Variants in PTPRD observed in about 807,000 individuals in gnomAD.
PTPRD encodes the protein protein tyrosine phosphatase receptor type D, also known as receptor-type tyrosine-protein phosphatase delta.
In PTPRD, 34 loss-of-function variants were observed where a neutral mutation model predicts 214.5. The observed-to-expected ratio is 0.16, with a 90% confidence interval of 0.12 to 0.21. The LOEUF (loss-of-function observed/expected upper bound fraction) is 0.21, where lower values mean the gene tolerates loss of function less well. Ranked by LOEUF, PTPRD falls within the 10% of genes least tolerant of loss-of-function variation. The pLI is 1.00. For synonymous variants in PTPRD, 1,128 were observed against 845.7 expected (o/e 1.33, Z -5.79); for missense variants, 2,545 against 2,398.7 (o/e 1.06, Z -1.27).
At chr9:9,262,703 T>C (rs1000137167) in intron 9 of PTPRD, among the ~76,000 whole-genome samples, 5 of 151,714 alleles carry the variant, frequency 3.3e-5, no homozygotes, top group Non-Finnish European at 1.5e-5. Context: ...GAGGTTCTTT[T>C]ATAACAGAAT....
chr9:8,541,116 G>A (rs1233588707), intron 14 of PTPRD, among the ~76,000 whole-genome samples: 2 of 152,216 alleles, frequency 1.3e-5, no homozygotes, highest in Admixed American at 6.5e-5. Flanking sequence ...ATATGTCTCA[G>A]AATGTATTAC....
chr9:8,338,778 T>TAACATA (rs1849445954), intron 43 of PTPRD, 144 bp downstream of exon 43: 2 of 582,254 alleles, frequency 3.4e-6, no homozygotes, highest in Non-Finnish European at 5.4e-6. Flanking sequence ...ATATTAAACA[T>TAACATA]AAAAAAAAAC....
At chr9:9,929,229 G>T (rs2085473103) in intron 5 of PTPRD, among the ~76,000 whole-genome samples, 1 of 152,164 alleles carries the variant, frequency 6.6e-6, no homozygotes, top group Non-Finnish European at 1.5e-5. Flanking sequence ...GGATTATCAA[G>T]AGTAAATTAA....
At chr9:9,188,125 G>T (rs2099932805) in intron 9 of PTPRD, among the ~76,000 whole-genome samples, 1 of 151,884 alleles carries the variant, frequency 6.6e-6, no homozygotes, top group Admixed American at 6.6e-5. Flanking sequence ...ATGGTTTAGG[G>T]TTGCCTTGAA....
chr9:9,448,248 G>A (rs140040999), intron 8 of PTPRD, among the ~76,000 whole-genome samples: 6 of 152,110 alleles, frequency 3.9e-5, no homozygotes. Context: ...CTCTGATACG[G>A]TTTGGCTATG....
chr9:8,479,825 G>C (rs1282205889), intron 30 of PTPRD, among the ~76,000 whole-genome samples: 1 of 152,140 alleles, frequency 6.6e-6, no homozygotes, highest in East Asian at 1.9e-4. Context: ...GAAGAGACAT[G>C]CATGTTTTTT....
chr9:9,352,096 C>A (rs528061937), intron 9 of PTPRD, among the ~76,000 whole-genome samples: 1 of 151,852 alleles, frequency 6.6e-6, no homozygotes, highest in East Asian at 1.9e-4. Flanking sequence ...GAATCCCAGC[C>A]TCTGCACCTG....
intron 12 of PTPRD, among the ~76,000 whole-genome samples, chr9:8,707,735 G>T (rs182366493): frequency 6.6e-6 from 1 of 152,244 alleles, no homozygotes. Context: ...TTTAACCATG[G>T]CCACTACTAA....
intron 14 of PTPRD, among the ~76,000 whole-genome samples, chr9:8,626,408 TTAC>T (rs1013055778): frequency 4.0e-5 from 6 of 151,868 alleles, no homozygotes; most frequent in African/African-American, 1.4e-4. Flanking sequence ...TCATTTTCTT[TTAC>T]TACTACTATT....
chr9:9,715,815 C>A (rs1595884383), intron 7 of PTPRD, among the ~76,000 whole-genome samples: 1 of 152,244 alleles, frequency 6.6e-6, no homozygotes, highest in Non-Finnish European at 1.5e-5. Context: ...ACACGGACCC[C>A]TTTAATAATC....
intron 2 of PTPRD, among the ~76,000 whole-genome samples, chr9:10,573,817 A>G (rs1400964514): frequency 6.6e-6 from 1 of 152,192 alleles, no homozygotes; most frequent in Non-Finnish European, 1.5e-5. Context: ...AGAGAAGCGG[A>G]ATTGTTTCTA....
chr9:8,899,620 G>T (rs981951947), intron 11 of PTPRD, among the ~76,000 whole-genome samples: 9 of 152,170 alleles, frequency 5.9e-5, no homozygotes, highest in Admixed American at 1.3e-4. Flanking sequence ...TTGTGGGAAG[G>T]TTGTTGAGGG....
At chr9:10,065,444 C>T (rs2097859936) in intron 3 of PTPRD, among the ~76,000 whole-genome samples, 1 of 151,032 alleles carries the variant, frequency 6.6e-6, no homozygotes, top group Admixed American at 6.6e-5. Flanking sequence ...CTCCATTAGG[C>T]TTTTTTTTTA....
At chr9:9,862,113 A>T (rs1485788746) in intron 5 of PTPRD, among the ~76,000 whole-genome samples, 2 of 152,148 alleles carry the variant, frequency 1.3e-5, no homozygotes, top group Non-Finnish European at 2.9e-5. Context: ...ATATTACAAG[A>T]TGGTTTGCTT....
chr9:9,264,481 G>A (rs1417573812), intron 9 of PTPRD, among the ~76,000 whole-genome samples: 1 of 151,482 alleles, frequency 6.6e-6, no homozygotes, highest in African/African-American at 2.4e-5. Flanking sequence ...TTCAGTAAGA[G>A]GAGAAAATAT....
chr9:9,718,818 G>T (rs1034324640), intron 7 of PTPRD, among the ~76,000 whole-genome samples: 1 of 152,204 alleles, frequency 6.6e-6, no homozygotes, highest in Non-Finnish European at 1.5e-5. Context: ...ACAAGCACAG[G>T]AGGGAGGCTG....
chr9:8,495,087 A>G (rs145389471), intron 26 of PTPRD, among the ~76,000 whole-genome samples: 1 of 152,100 alleles, frequency 6.6e-6, no homozygotes, highest in African/African-American at 2.4e-5. Context: ...ATTTCTGCCC[A>G]TATTCCTGAT....
In PTPRD at chr9:8,713,560, T is replaced by C. The variant is rs908888783; in HGVS notation, c.64+20220A>G. ...GAAGAACTTCGGGATCTGGCTGCGC[T>C]GTGACTCCCGGAGCGGCACCCACAA... On this transcript the variant is annotated intron_variant, in intron 12 of 45. Coordinates refer to ENST00000381196, the MANE Select transcript of PTPRD (RefSeq NM_002839.4). 4.5e-5 allele frequency: 64 copies of C among 1,407,796 alleles called. No homozygotes were observed. In the Admixed American group the frequency reaches 1.0e-3, roughly 22 times the overall value. The allele number at this position is 1,407,796 out of a possible 1,614,324, so 87.2% of individuals were successfully genotyped here. A position where few individuals can be genotyped will look rare whatever the true frequency, so the allele number is the denominator to read the frequency against.
chr9:9,441,105 C>T (rs1195135296), intron 8 of PTPRD, among the ~76,000 whole-genome samples: 1 of 152,088 alleles, frequency 6.6e-6, no homozygotes, highest in African/African-American at 2.4e-5. Flanking sequence ...TTCATCTTAC[C>T]TTGGAAAGAG....
Sources: gnomAD v4.1 joint callset for allele counts (sites outside exome capture counted in the v4.1 genomes callset) on GRCh38, gnomAD v4.1.1 for gene constraint, MANE v1.5 for transcripts, NCBI Gene and HGNC (gene_info 2026-07-23, HGNC 2026-07-21) for gene names.